The following SMARCA2 variants were observed in gnomAD, a reference collection of about 807,000 sequenced individuals.
SMARCA2 encodes SWI/SNF-related matrix-associated actin-dependent regulator of chromatin subfamily A member 2.
A neutral mutation model predicts 199.8 loss-of-function variants in SMARCA2; 61 were observed. The ratio of observed to expected loss-of-function variants is 0.31; its 90% CI spans 0.25 to 0.38. The LOEUF (loss-of-function observed/expected upper bound fraction) is 0.38. SMARCA2 is among the 10% of genes least tolerant of loss of function. The pLI, the probability that SMARCA2 is intolerant of heterozygous loss-of-function variation, is 1.00. For missense variants in SMARCA2, 1,344 were observed against 2,012.2 expected (o/e 0.67, Z 6.35); for synonymous variants, 935 against 732.0 (o/e 1.28, Z -4.48).
intron 12 of SMARCA2, chr9:2,075,280 A>C (rs1821272929): frequency 1.3e-5 from 2 of 152,414 alleles, no homozygotes; most frequent in Admixed American, 1.3e-4. Flanking sequence ...TCTCCTTGAT[A>C]GTTTGTCAAT....
Position 2,017,229 on chromosome 9 carries a change from C to T in SMARCA2, c.-37+1825C>T. 7.1e-6 allele frequency: 1 copy of T among 140,000 alleles called. No individual in the cohort carries two copies. The highest frequency in any genetic ancestry group is 1.5e-5 in the Non-Finnish European group (1 of 65,110). 8.7% of individuals were successfully genotyped at this position (140,000 alleles called of 1,614,324 possible). ...GGTGGTGAGCGCGGGGCTGGCTGGG[C>T]TGCTTGGGGGGTGGGGTGGAGGGAA... On this transcript the variant is annotated intron_variant, in intron 1 of 33. Transcript: ENST00000349721. This position sits in a 1 kb window ranked among gnomAD's most constrained non-coding sequence, Gnocchi z 8.8.
intron 21 of SMARCA2, among the ~76,000 whole-genome samples, chr9:2,098,739 C>T (rs1337042315): frequency 6.6e-6 from 1 of 152,102 alleles, no homozygotes; most frequent in Non-Finnish European, 1.5e-5. Context: ...AGTTCGAGAC[C>T]AGCCTGGCCA....
At chr9:2,091,176 C>G (rs1184493450) in intron 19 of SMARCA2, among the ~76,000 whole-genome samples, 1 of 152,028 alleles carries the variant, frequency 6.6e-6, no homozygotes, top group East Asian at 1.9e-4. Flanking sequence ...TTGTGTTAAC[C>G]ATGCCCACAA....
chr9:2,159,953 T>A, intron 27 of SMARCA2: 1 of 1,579,594 alleles, frequency 6.3e-7, no homozygotes, highest in South Asian at 1.2e-5. Flanking sequence ...TCAGTAGAAC[T>A]ACATCCCAGG....
In SMARCA2 at chr9:2,070,452, C is replaced by A. The variant is rs1821040560; in HGVS notation, c.1727C>A (p.Ala576Asp). The change falls in exon 10 of 34, where the codon GCC (alanine) becomes GAC (aspartate). Residue 576 changes from alanine (A) to aspartate (D), a missense_variant. By Grantham distance (126) the Ala-to-Asp change is moderately radical. Around this residue, in one of 18 missense-constraint regions of SMARCA2, gnomAD observed 68 missense variants for 70.4 expected, o/e 0.97. Transcript: ENST00000349721. The stretch of plus-strand genomic sequence containing the variant: ...GAGAATGCAGAGGGTGGGGAGTCTG[C>A]CCTGGGACCGGATGGAGAGGTAAGG... Reference protein sequence around the residue: ...AEENAEGGESALGPDGEPIDE... With the variant: ...AEENAEGGESDLGPDGEPIDE... The A allele has an allele frequency of 6.2e-7, 1 of 1,613,650 alleles. No individual in the cohort carries two copies. Among genetic ancestry groups the A allele is most frequent in the Admixed American group, 1.7e-5 (1 of 60,002 alleles).
intron 8 of SMARCA2, 33 bp downstream of exon 8, chr9:2,058,497 A>G (rs1440617680): frequency 3.1e-6 from 5 of 1,588,660 alleles, no homozygotes; most frequent in East Asian, 2.2e-5. Flanking sequence ...CCAGGAAACT[A>G]CTCAACCCAC....
chr9:2,103,232 G>A (rs1265174481), intron 22 of SMARCA2, among the ~76,000 whole-genome samples: 1 of 152,142 alleles, frequency 6.6e-6, no homozygotes, highest in Admixed American at 6.5e-5. Flanking sequence ...GCCATAAAGT[G>A]TCTGCCACAC....
chr9:2,174,998 G>T (rs1328007926), intron 29 of SMARCA2, among the ~76,000 whole-genome samples: 3 of 150,962 alleles, frequency 2.0e-5, no homozygotes, highest in Non-Finnish European at 2.9e-5. Context: ...ATATTCAGTG[G>T]AAGGGAACGT....
intron 5 of SMARCA2, among the ~76,000 whole-genome samples, chr9:2,049,258 T>A (rs1489120169): frequency 6.6e-6 from 1 of 152,248 alleles, no homozygotes; most frequent in African/African-American, 2.4e-5. Flanking sequence ...TAAATGTTCT[T>A]AATCATTTTT....
intron 7 of SMARCA2, among the ~76,000 whole-genome samples, chr9:2,057,114 A>G (rs538015368): frequency 5.9e-5 from 9 of 152,354 alleles, no homozygotes; most frequent in African/African-American, 2.2e-4. Flanking sequence ...CTGGGCTGCT[A>G]TAAAAAAATA....
In SMARCA2 at chr9:2,106,760, C is replaced by G. The variant is rs377122477; in HGVS notation, c.3292+2591C>G. On this transcript the variant is annotated intron_variant, in intron 23 of 33. Transcript: ENST00000349721. ...TGCATGAATAGATTTAGCTAATACT[C>G]CATATAGTTTTTGTTTTTACTGGAA... Among the ~76,000 whole-genome samples the G allele has an allele frequency of 1.2e-4, 19 of 152,286 alleles. No homozygotes were observed. The East Asian group carries it at 2.9e-3, about 23-fold the overall frequency.
intron 29 of SMARCA2, among the ~76,000 whole-genome samples, chr9:2,178,173 G>A (rs74588735): frequency 2.6e-5 from 4 of 152,016 alleles, no homozygotes; most frequent in East Asian, 1.9e-4. Flanking sequence ...GCCACGTCGC[G>A]GTGTCTGTTC....
intron 29 of SMARCA2, among the ~76,000 whole-genome samples, chr9:2,177,055 C>CT (rs1424204603): frequency 6.6e-6 from 1 of 152,178 alleles, no homozygotes; most frequent in Non-Finnish European, 1.5e-5. Context: ...GTAACACCTG[C>CT]TTCATGACTG....
At chr9:2,094,313 C>T (rs776563926) in intron 19 of SMARCA2, among the ~76,000 whole-genome samples, 1 of 152,234 alleles carries the variant, frequency 6.6e-6, no homozygotes, top group Non-Finnish European at 1.5e-5. Flanking sequence ...CTGCTTGCCT[C>T]TCTGCTGACT....
chr9:2,049,486 A>C (rs1431658374), intron 5 of SMARCA2, among the ~76,000 whole-genome samples: 2 of 152,200 alleles, frequency 1.3e-5, no homozygotes, highest in Admixed American at 6.5e-5. Context: ...GGAGAATGGC[A>C]ATTTTTCATA....
At chr9:2,026,574 T>C (rs1295367407) in intron 1 of SMARCA2, among the ~76,000 whole-genome samples, 4 of 152,234 alleles carry the variant, frequency 2.6e-5, no homozygotes, top group Non-Finnish European at 5.9e-5. Context: ...ATACATCAAT[T>C]ATATTAAACG....
At chr9:2,046,906 C>G (rs898364612) in intron 4 of SMARCA2, among the ~76,000 whole-genome samples, 1 of 152,192 alleles carries the variant, frequency 6.6e-6, no homozygotes, top group Non-Finnish European at 1.5e-5. Flanking sequence ...TGTATTAAGT[C>G]ACCGTCATTT....
chr9:2,029,761 G>A (rs953684393), intron 2 of SMARCA2, among the ~76,000 whole-genome samples: 2 of 152,192 alleles, frequency 1.3e-5, no homozygotes, highest in African/African-American at 4.8e-5. Context: ...GCACATTGCT[G>A]TCTCTCTGTG....
intron 13 of SMARCA2, 131 bp downstream of exon 13, chr9:2,076,460 G>A: frequency 1.6e-6 from 1 of 639,960 alleles, no homozygotes; most frequent in Non-Finnish European, 2.8e-6. Context: ...TGTGCTCCTA[G>A]AGGTCACCAC....
Sources: gnomAD v4.1 joint callset for allele counts (sites outside exome capture counted in the v4.1 genomes callset) on GRCh38, gnomAD v4.1.1 for gene constraint, gnomAD v4.1.1 regional missense constraint, Gnocchi (gnomAD v3.1) non-coding constraint, MANE v1.5 for transcripts, NCBI Gene and HGNC (gene_info 2026-07-23, HGNC 2026-07-21) for gene names.